The following SMCHD1 variants were observed in gnomAD, a reference collection of about 807,000 sequenced individuals.
SMCHD1 encodes structural maintenance of chromosomes flexible hinge domain-containing protein 1.
In SMCHD1, 78 loss-of-function variants were observed where a neutral mutation model predicts 254.7. The observed-to-expected ratio is 0.31, with a 90% CI of 0.26 to 0.37. The LOEUF is 0.37. Ranked by LOEUF, SMCHD1 falls within the 10% of genes least tolerant of loss-of-function variation. The probability of loss-of-function intolerance (pLI) is 1.00; values close to 1 mark genes in which losing one functional copy is unlikely to be tolerated. For missense variants in SMCHD1, 1,840 were observed against 2,408.1 expected, an observed-to-expected ratio of 0.76 and a Z score of 4.94; for synonymous variants, 766 against 794.9, an observed-to-expected ratio of 0.96 and a Z score of 0.61.
At position 2,663,559 on chromosome 18, in the gene SMCHD1, T is replaced by C. The variant is rs150517522; in HGVS notation, c.187-2598T>C. 1.1e-3 allele frequency among the ~76,000 whole-genome samples: 161 copies of C among 152,328 alleles called. 1 individual carries two copies. The highest frequency in any genetic ancestry group is 3.8e-3 in the African/African-American group (156 of 41,568). Reference sequence around the variant, plus strand: ...AGTTAAGGTGTGGATTTTATCTGTTTCCATGTTGAGATAACTAGTTGTCTT... The same window carrying C: ...AGTTAAGGTGTGGATTTTATCTGTTCCCATGTTGAGATAACTAGTTGTCTT... On this transcript the variant is annotated intron_variant, in intron 1 of 47. Transcript: ENST00000320876.
chr18:2,700,049 T>G (rs1204148136), intron 10 of SMCHD1, among the ~76,000 whole-genome samples: 1 of 152,228 alleles, frequency 6.6e-6, no homozygotes, highest in Non-Finnish European at 1.5e-5. Flanking sequence ...CTTACTTGAA[T>G]CTGAAAATAA....
intron 17 of SMCHD1, among the ~76,000 whole-genome samples, chr18:2,714,234 TTA>T (rs1267681938): frequency 6.6e-6 from 1 of 152,196 alleles, no homozygotes; most frequent in Admixed American, 6.5e-5. Flanking sequence ...TCCTTTAACA[TTA>T]TATAATTTTT....
rs146202025 is a variant in SMCHD1, at chr18:2,733,517, G to A, written c.3276+1025G>A. ...TTGTTTTAACAGTCTGTGGATGAGC[G>A]TGGCTCATTAACACATAGTCAACTG... On this transcript the variant is annotated intron_variant, in intron 25 of 47. Coordinates refer to ENST00000320876, the MANE Select transcript of SMCHD1 (RefSeq NM_015295.3). Among the ~76,000 whole-genome samples the A allele has an allele frequency of 3.5e-4, 54 of 152,322 alleles. 1 individual carries two copies. In the East Asian group the frequency reaches 7.9e-3, roughly 22 times the overall value.
intron 1 of SMCHD1, among the ~76,000 whole-genome samples, chr18:2,661,912 T>C (rs1315281986): frequency 1.3e-5 from 2 of 149,364 alleles, no homozygotes; most frequent in Non-Finnish European, 3.0e-5. Context: ...ATCCCAGCAC[T>C]TTGGGAGGCC....
At chr18:2,795,571 A>T (rs1319068855) in intron 45 of SMCHD1, among the ~76,000 whole-genome samples, 1 of 152,188 alleles carries the variant, frequency 6.6e-6, no homozygotes, top group Non-Finnish European at 1.5e-5. Context: ...TTCTAACAAC[A>T]CAATATTTAA....
chr18:2,752,671 T>C, intron 34 of SMCHD1, 119 bp downstream of exon 34: 1 of 655,240 alleles, frequency 1.5e-6, no homozygotes, highest in Non-Finnish European at 2.6e-6. Flanking sequence ...GAAATGTTAG[T>C]GTCTCTAAAT....
chr18:2,674,692 T>C (rs546823007), intron 5 of SMCHD1, among the ~76,000 whole-genome samples: 32 of 152,340 alleles, frequency 2.1e-4, no homozygotes, highest in African/African-American at 7.5e-4. Context: ...CTTGAGATAT[T>C]AGTGGAACTC....
intron 1 of SMCHD1, among the ~76,000 whole-genome samples, chr18:2,665,793 G>A (rs180890191): frequency 5.9e-5 from 9 of 152,124 alleles, no homozygotes; most frequent in African/African-American, 1.9e-4. Flanking sequence ...CATGAGTTAT[G>A]TTAAAGCTTT....
At chr18:2,710,912 A>C (rs1049498466) in intron 17 of SMCHD1, among the ~76,000 whole-genome samples, 1 of 148,008 alleles carries the variant, frequency 6.8e-6, no homozygotes, top group African/African-American at 2.5e-5. Flanking sequence ...TCTCTGCATC[A>C]GTCCAGATAA....
chr18:2,667,817 T>C (rs1196867673), intron 3 of SMCHD1, among the ~76,000 whole-genome samples: 1 of 152,226 alleles, frequency 6.6e-6, no homozygotes, highest in Admixed American at 6.5e-5. Context: ...CATCTTTTAA[T>C]ATATATGTCT....
At chr18:2,658,263 C>T (rs1193418796) in intron 1 of SMCHD1, among the ~76,000 whole-genome samples, 1 of 152,104 alleles carries the variant, frequency 6.6e-6, no homozygotes, top group Non-Finnish European at 1.5e-5. Flanking sequence ...CACTATTTCC[C>T]TCTCGTGAGA....
intron 47 of SMCHD1, among the ~76,000 whole-genome samples, chr18:2,797,614 A>AT (rs1209092495): frequency 6.6e-6 from 1 of 152,244 alleles, no homozygotes; most frequent in Non-Finnish European, 1.5e-5. Flanking sequence ...TAGAGGGACA[A>AT]TTTAAAAAGT....
At chr18:2,723,131 C>T (rs1472772894) in intron 20 of SMCHD1, among the ~76,000 whole-genome samples, 2 of 152,144 alleles carry the variant, frequency 1.3e-5, no homozygotes, top group Admixed American at 1.3e-4. Flanking sequence ...ATGATTACTA[C>T]CTTTCCATTG....
chr18:2,763,827 T>C (rs1173352091), intron 37 of SMCHD1, 38 bp downstream of exon 37: 3 of 1,581,684 alleles, frequency 1.9e-6, no homozygotes, highest in Middle Eastern at 1.7e-4. Context: ...AGAATTTCTG[T>C]ATTTAATGCT....
Position 2,762,411 on chromosome 18 carries a change from G to A in SMCHD1, c.4566+175G>A, listed in dbSNP as rs2075801619. 1.3e-5 allele frequency among the ~76,000 whole-genome samples: 2 copies of A among 150,896 alleles called. 1 individual carries two copies. The highest frequency in any genetic ancestry group is 4.2e-4 in the South Asian group (2 of 4,784). On this transcript the variant is annotated intron_variant, in intron 36 of 47. Transcript: ENST00000320876. Reference sequence around the variant, plus strand: ...ATCTTTGTATTTGAATACAAATAGAGAATATATAACATTATACATAAAATG... The same window carrying A: ...ATCTTTGTATTTGAATACAAATAGAAAATATATAACATTATACATAAAATG...
At position 2,738,640 on chromosome 18, in the gene SMCHD1, G is replaced by A. The variant is rs564603633; in HGVS notation, c.3425+95G>A. The stretch of plus-strand genomic sequence containing the variant: ...GTTGTTTTTAATGTAAAAATATTAC[G>A]GTTTCTATGAAATATAATAGATTGT... On this transcript the variant is annotated intron_variant, in intron 26 of 47. Transcript: ENST00000320876. The A allele has an allele frequency of 1.6e-3, 1,701 of 1,055,510 alleles. 5 individuals carry two copies. The highest frequency in any genetic ancestry group is 2.8e-3 in the South Asian group (133 of 48,318). The allele number at this position is 1,055,510 out of a possible 1,614,324, so 65.4% of individuals were successfully genotyped here.
intron 39 of SMCHD1, among the ~76,000 whole-genome samples, 186 bp from the exon 40 acceptor site, chr18:2,771,347 T>C (rs1475650991): frequency 6.6e-6 from 1 of 152,216 alleles, no homozygotes; most frequent in East Asian, 1.9e-4. Flanking sequence ...TTCTCATTTT[T>C]GTATATCAGA....
rs377511905 is a variant in SMCHD1 at position 2,777,930 on chromosome 18, G to A, written c.5476+15G>A. On this transcript the variant is annotated intron_variant, in intron 43 of 47. Coordinates refer to ENST00000320876, the MANE Select transcript of SMCHD1 (RefSeq NM_015295.3). ...TTGTGAAACAGGTAAAAGACATTAT[G>A]GTGACTTTACTTTTGTACAGATGTT... is the stretch of plus-strand genomic sequence containing the variant. 13 of 1,429,356 alleles carry A rather than the reference G, an allele frequency of 9.1e-6. No homozygotes were observed. The African/African-American group carries it at 1.6e-4, about 17-fold the overall frequency. The allele number at this position is 1,429,356 out of a possible 1,614,324, so 88.5% of individuals were successfully genotyped here.
chr18:2,663,683 A>G (rs2073357098), intron 1 of SMCHD1, among the ~76,000 whole-genome samples: 2 of 151,208 alleles, frequency 1.3e-5, no homozygotes, highest in African/African-American at 2.4e-5. Context: ...GGACCTGTCT[A>G]AGGGCCCTCT....
Sources: allele counts gnomAD v4.1 joint callset (sites outside exome capture counted in the v4.1 genomes callset), GRCh38; gene constraint gnomAD v4.1.1; transcripts MANE v1.5; gene names NCBI Gene and HGNC (gene_info 2026-07-23, HGNC 2026-07-21).